Variants in ARMC9 observed in about 807,000 individuals in gnomAD.
ARMC9 encodes the protein armadillo repeat containing 9.
ARMC9 carries 94 observed loss-of-function variants against 107.0 expected under a neutral mutation model. That is an observed-to-expected ratio of 0.88 (90% CI 0.74 to 1.04). The LOEUF (loss-of-function observed/expected upper bound fraction) is 1.04, where lower values mean the gene tolerates loss of function less well. ARMC9 is among the 50% of genes least tolerant of loss of function. The pLI is 0.00. For synonymous variants in ARMC9, 380 were observed against 396.9 expected, an observed-to-expected ratio of 0.96 and a Z score of 0.51; for missense variants, 942 against 1,030.1, an observed-to-expected ratio of 0.91 and a Z score of 1.17.
chr2:231,304,843 G>A (rs2041957516), intron 19 of ARMC9, among the ~76,000 whole-genome samples: 1 of 152,198 alleles, frequency 6.6e-6, no homozygotes, highest in African/African-American at 2.4e-5. Flanking sequence ...TTTCTTGAAA[G>A]TTTAAATTGT....
chr2:231,219,043 C>T lies in ARMC9; in HGVS notation c.504+2250C>T, dbSNP rs539434986. ...CTAGGATTACACGTATGAGCCATCA[C>T]GCCCAGCCATAAAGTCTAAATTTAA... On this transcript the variant is annotated intron_variant, in intron 5 of 24. Transcript: ENST00000611582. 3.3e-5 allele frequency among the ~76,000 whole-genome samples: 5 copies of T among 152,252 alleles called. No homozygotes were observed. The South Asian group carries it at 1.0e-3, about 32-fold the overall frequency.
At chr2:231,312,746 C>T (rs1469007286) in intron 19 of ARMC9, among the ~76,000 whole-genome samples, 1 of 152,050 alleles carries the variant, frequency 6.6e-6, no homozygotes, top group African/African-American at 2.4e-5. Flanking sequence ...GGCCTTACCA[C>T]GCTCTATCCT....
Position 231,214,863 on chromosome 2 carries a change from C to T in ARMC9, c.210C>T (p.Asp70=), listed in dbSNP as rs1345318594. The T allele has an allele frequency of 1.2e-6, 2 of 1,614,038 alleles. No individual in the cohort carries two copies. The highest frequency in any genetic ancestry group is 2.2e-5 in the East Asian group (1 of 44,894). Residue 70 remains aspartate, a synonymous_variant, in exon 4 of 25, where the codon GAC becomes GAT. Coordinates refer to ENST00000611582, the MANE Select transcript of ARMC9 (RefSeq NM_001352754.2). ...KDLVAAFDNG[D]QKVFFDLWEE... is the part of the protein sequence containing the mutation. Reference sequence around the variant, plus strand: ...TTGTCGCTGCATTTGACAACGGAGACCAGAAGGTGTTCTTCGATCTGTGGG... The same window carrying T: ...TTGTCGCTGCATTTGACAACGGAGATCAGAAGGTGTTCTTCGATCTGTGGG...
At chr2:231,213,289 G>A (rs1256314338) in intron 3 of ARMC9, among the ~76,000 whole-genome samples, 11 of 151,044 alleles carry the variant, frequency 7.3e-5, no homozygotes, top group South Asian at 2.1e-4. Context: ...TCAGCCTCCC[G>A]GGTAGCTGGG....
chr2:231,245,625 C>A (rs2036689380), intron 9 of ARMC9, among the ~76,000 whole-genome samples: 1 of 150,312 alleles, frequency 6.7e-6, no homozygotes, highest in Non-Finnish European at 1.5e-5. Flanking sequence ...CATATGCGTC[C>A]TTCTAGAGCC....
intron 21 of ARMC9, among the ~76,000 whole-genome samples, chr2:231,347,487 A>G (rs2044861906): frequency 6.9e-6 from 1 of 144,278 alleles, no homozygotes; most frequent in Non-Finnish European, 1.5e-5. Context: ...CACGATGCTG[A>G]TGTGCAAAAT....
chr2:231,376,516 G>A lies in ARMC9; in HGVS notation c.*4981G>A, dbSNP rs2122188. Among the ~76,000 whole-genome samples the A allele has an allele frequency of 6.6e-6, 1 of 152,132 alleles. No homozygotes were observed. The highest frequency in any genetic ancestry group is 1.5e-5 in the Non-Finnish European group (1 of 68,028). On this transcript the variant is annotated 3_prime_UTR_variant, in exon 25 of 25. Coordinates refer to ENST00000611582, the MANE Select transcript of ARMC9 (RefSeq NM_001352754.2). ...AGCGCTCCCAGGCTTATTAGGAGGAGGAAATTCCCGCCTAATAAATTTTGG... is the reference window on the plus strand; with the variant it reads ...AGCGCTCCCAGGCTTATTAGGAGGAAGAAATTCCCGCCTAATAAATTTTGG...
At chr2:231,261,409 C>T (rs1367028244) in intron 11 of ARMC9, among the ~76,000 whole-genome samples, 1 of 152,248 alleles carries the variant, frequency 6.6e-6, no homozygotes, top group East Asian at 1.9e-4. Context: ...CCTCTACACT[C>T]ATGCATGCAC....
In ARMC9 at chr2:231,220,596, C is replaced by CAAAAA. The variant is rs71396668; in HGVS notation, c.505-2112_505-2108dup. Among the ~76,000 whole-genome samples the CAAAAA allele has an allele frequency of 4.7e-3, 311 of 66,150 alleles. 4 individuals carry two copies. Among genetic ancestry groups the CAAAAA allele is most frequent in the African/African-American group, 0.017 (302 of 17,640 alleles). The allele number at this position is 66,150 out of a possible 152,430, so 43.4% of individuals were successfully genotyped here. Reference sequence around the variant, plus strand: ...TGGGCAACAGAGCGAGACTCCATCTCAAAAAAAAAAAAAAAAAAAAAAAAT... The same window carrying CAAAAA: ...TGGGCAACAGAGCGAGACTCCATCTCAAAAAAAAAAAAAAAAAAAAAAAAAAAAAT... On this transcript the variant is annotated intron_variant, in intron 5 of 24. Coordinates refer to ENST00000611582, the MANE Select transcript of ARMC9 (RefSeq NM_001352754.2).
At chr2:231,252,614 G>A (rs1207382081) in intron 9 of ARMC9, among the ~76,000 whole-genome samples, 1 of 151,914 alleles carries the variant, frequency 6.6e-6, no homozygotes, top group African/African-American at 2.4e-5. Context: ...TTAGCTTCTT[G>A]GTCTCTGTAA....
At chr2:231,359,919 G>A (rs905965786) in intron 22 of ARMC9, among the ~76,000 whole-genome samples, 2 of 152,186 alleles carry the variant, frequency 1.3e-5, no homozygotes, top group Admixed American at 6.5e-5. Context: ...AGATTAAACA[G>A]ATCACATTGC....
At chr2:231,317,644 T>A (rs1159689504) in intron 19 of ARMC9, among the ~76,000 whole-genome samples, 2 of 152,326 alleles carry the variant, frequency 1.3e-5, no homozygotes, top group African/African-American at 4.8e-5. Context: ...AGAATGCTGA[T>A]ATTGTCTAAC....
At chr2:231,326,938 T>G (rs11896541) in intron 19 of ARMC9, among the ~76,000 whole-genome samples, 13,349 of 152,090 alleles carry the variant, frequency 0.088, 1,922 homozygotes, top group African/African-American at 0.3. Flanking sequence ...GGCTAGATGA[T>G]CTTAGGGAAC....
At chr2:231,239,598 T>A (rs1486020450) in intron 8 of ARMC9, among the ~76,000 whole-genome samples, 1 of 152,196 alleles carries the variant, frequency 6.6e-6, no homozygotes, top group Non-Finnish European at 1.5e-5. Flanking sequence ...TCCCCCACAT[T>A]ATGGTTGTCC....
At chr2:231,281,658 G>C (rs1356910842) in intron 16 of ARMC9, among the ~76,000 whole-genome samples, 1 of 152,226 alleles carries the variant, frequency 6.6e-6, no homozygotes. Context: ...AACAAGGACA[G>C]TAGCAGTGGA....
rs1342766762 is a variant in ARMC9 at position 231,370,072 on chromosome 2, C to T, written c.2381C>T (p.Pro794Leu). ...VLAPLFSSCG[P>L]QQASRPGSTA... is the part of the protein sequence containing the mutation. Reference sequence around the variant, plus strand: ...GCCCCTCTGTTCTCTTCGTGTGGCCCCCAGCAGGCCAGCCGCCCCGGCTCC... The same window carrying T: ...GCCCCTCTGTTCTCTTCGTGTGGCCTCCAGCAGGCCAGCCGCCCCGGCTCC... The change falls in exon 24 of 25, where the codon CCC becomes CTC. Residue 794 changes from proline to leucine, a missense_variant. Physicochemically the swap from Pro to Leu is moderately conservative, Grantham distance 98. Coordinates refer to ENST00000611582, the MANE Select transcript of ARMC9 (RefSeq NM_001352754.2). The T allele has an allele frequency of 6.5e-7, 1 of 1,535,082 alleles. No individual in the cohort carries two copies. The highest frequency in any genetic ancestry group is 8.7e-7 in the Non-Finnish European group (1 of 1,146,248).
At position 231,360,886 on chromosome 2, in the gene ARMC9, A is replaced by G; in HGVS notation, c.2261+3A>G. The G allele has an allele frequency of 6.6e-7, 1 of 1,525,198 alleles. No individual in the cohort carries two copies. Among genetic ancestry groups the G allele is most frequent in the South Asian group, 1.2e-5 (1 of 82,818 alleles). 94.5% of individuals were successfully genotyped at this position (1,525,198 alleles called of 1,614,324 possible). On this transcript the variant is annotated splice_donor_region_variant and intron_variant, in intron 23 of 24. Coordinates refer to ENST00000611582, the MANE Select transcript of ARMC9 (RefSeq NM_001352754.2). This position sits in a 1 kb window ranked among gnomAD's most constrained non-coding sequence, Gnocchi z 4.7. ...CCAGGCAATGGAGTGACCACCAGGT[A>G]AGGGGGATATCACAAGGCCTCGAAC...
chr2:231,324,651 A>G (rs887778514), intron 19 of ARMC9, among the ~76,000 whole-genome samples: 4 of 151,390 alleles, frequency 2.6e-5, no homozygotes, highest in Admixed American at 2.6e-4. Context: ...GGCTGAGGCG[A>G]GAGAATCACT....
chr2:231,354,854 C>T (rs979303688), intron 21 of ARMC9, among the ~76,000 whole-genome samples: 5 of 152,224 alleles, frequency 3.3e-5, no homozygotes, highest in Non-Finnish European at 5.9e-5. Flanking sequence ...GGGCCTTCCT[C>T]GGGGATCTGT....
Sources: allele counts gnomAD v4.1 joint callset (sites outside exome capture counted in the v4.1 genomes callset), GRCh38; gene constraint gnomAD v4.1.1; non-coding constraint Gnocchi (gnomAD v3.1); transcripts MANE v1.5; gene names NCBI Gene and HGNC (gene_info 2026-07-23, HGNC 2026-07-21).